The following RAB37 variants were observed in gnomAD, a reference collection of about 807,000 sequenced individuals.
RAB37 encodes the protein ras-related protein Rab-37.
Under a neutral mutation model 33.1 loss-of-function variants are expected in RAB37, and 29 were observed. The observed-to-expected ratio is 0.88, with a 90% confidence interval of 0.65 to 1.20. The LOEUF is 1.20. Ranked by LOEUF, RAB37 falls within the 50% of genes most tolerant of loss-of-function variation. The probability of loss-of-function intolerance (pLI) is 0.00; values close to 1 mark genes in which losing one functional copy is unlikely to be tolerated. For synonymous variants in RAB37, 128 were observed against 119.5 expected, an observed-to-expected ratio of 1.07 and a Z score of -0.47; for missense variants, 299 against 301.1, an observed-to-expected ratio of 0.99 and a Z score of 0.05.
At chr17:74,743,065 T>C (rs2034660274) in intron 3 of RAB37, 64 bp from the exon 4 acceptor site, 1 of 1,463,064 alleles carries the variant, frequency 6.8e-7, no homozygotes. Flanking sequence ...GCAGGCCTGC[T>C]CCACCCAGCA....
At chr17:74,690,837 G>A (rs1023473408) in intron 1 of RAB37, among the ~76,000 whole-genome samples, 9 of 152,194 alleles carry the variant, frequency 5.9e-5, no homozygotes, top group African/African-American at 1.9e-4. Context: ...ACATAAAAAG[G>A]TCCCTTTCAG....
rs1000301968 is a variant in RAB37 at position 74,729,973 on chromosome 17, G to A, written c.183+607G>A. 2.6e-5 allele frequency among the ~76,000 whole-genome samples: 4 copies of A among 152,130 alleles called. No individual in the cohort carries two copies. The highest frequency in any genetic ancestry group is 2.1e-4 in the South Asian group (1 of 4,824). On this transcript the variant is annotated intron_variant, in intron 2 of 7. Transcript: ENST00000340415. This position sits in a 1 kb window ranked among gnomAD's most constrained non-coding sequence, Gnocchi z 4.2. ...GGTTACAGTTCCGTGTTTAGTCCTC[G>A]GTAAAATGGTAAAAGGGCAGCTCGG...
intron 1 of RAB37, among the ~76,000 whole-genome samples, chr17:74,691,371 C>T (rs920268680): frequency 3.9e-5 from 6 of 152,112 alleles, no homozygotes; most frequent in Non-Finnish European, 7.4e-5. Context: ...GGGTTTATCA[C>T]GTTGCCCAGG....
chr17:74,740,376 G>A (rs975792899), intron 1 of RAB37, among the ~76,000 whole-genome samples: 2 of 152,170 alleles, frequency 1.3e-5, no homozygotes, highest in Non-Finnish European at 2.9e-5. Flanking sequence ...ACGAGCGGAC[G>A]ATGGATGACA....
intron 1 of RAB37, among the ~76,000 whole-genome samples, chr17:74,701,504 AG>A (rs1211467968): frequency 1.3e-5 from 2 of 152,236 alleles, no homozygotes; most frequent in African/African-American, 4.8e-5. Context: ...TATTCAAAGC[AG>A]TTTGGTAGAA....
At chr17:74,687,773 TG>T (rs2032083628) in intron 1 of RAB37, among the ~76,000 whole-genome samples, 1 of 152,152 alleles carries the variant, frequency 6.6e-6, no homozygotes, top group Admixed American at 6.5e-5. Context: ...GGAGATGTGA[TG>T]GAGCGGGTCC....
chr17:74,734,426 C>T (rs2034436395), upstream of RAB37, among the ~76,000 whole-genome samples: 1 of 152,202 alleles, frequency 6.6e-6, no homozygotes, highest in Admixed American at 6.5e-5. Context: ...GTGGTTCAGA[C>T]CTCAACCTGT....
intron 1 of RAB37, among the ~76,000 whole-genome samples, chr17:74,726,376 G>C (rs1054049939): frequency 9.2e-5 from 14 of 151,900 alleles, no homozygotes; most frequent in African/African-American, 3.4e-4. Context: ...CGAGAAGACA[G>C]GACTGTTTCC....
chr17:74,742,989 C>T lies in RAB37; in HGVS notation c.247-140C>T. 1.4e-6 allele frequency: 1 copy of T among 722,316 alleles called. No homozygotes were observed. Among genetic ancestry groups the T allele is most frequent in the South Asian group, 1.7e-5 (1 of 59,832 alleles). The allele number at this position is 722,316 out of a possible 1,614,324, so 44.7% of individuals were successfully genotyped here. On this transcript the variant is annotated intron_variant, in intron 3 of 8. Transcript: ENST00000392613. The surrounding 1 kb of genome is among the most constrained non-coding windows in gnomAD (Gnocchi z 4.0). ...GCTACTGTCCAGGTCATTGGATGCT[C>T]AGGGGCTCATGAGAACCTAAAGAAG...
intron 1 of RAB37, among the ~76,000 whole-genome samples, chr17:74,722,604 A>C (rs974458865): frequency 6.6e-6 from 1 of 152,260 alleles, no homozygotes; most frequent in Non-Finnish European, 1.5e-5. Flanking sequence ...GTAGGACTAT[A>C]GTCCAGCCAA....
rs906453926 is a variant in RAB37 at position 74,677,318 on chromosome 17, G to A, written c.72+5660G>A. 3.9e-5 allele frequency: 6 copies of A among 152,044 alleles called. No individual in the cohort carries two copies. In the East Asian group the frequency reaches 1.2e-3, roughly 29 times the overall value. 9.4% of individuals were successfully genotyped at this position (152,044 alleles called of 1,614,324 possible). On this transcript the variant is annotated intron_variant, in intron 1 of 7. Coordinates refer to the RAB37 transcript ENST00000340415. ...TTCCCTGCCAGAAAATTGTACAAGAGAAAGACAAATAAAACAGCAAAAGAC... is the reference window on the plus strand; with the variant it reads ...TTCCCTGCCAGAAAATTGTACAAGAAAAAGACAAATAAAACAGCAAAAGAC...
At chr17:74,733,670 C>T (rs1435421487), upstream of RAB37, among the ~76,000 whole-genome samples, 1 of 144,952 alleles carries the variant, frequency 6.9e-6, no homozygotes, top group Non-Finnish European at 1.5e-5. Context: ...ACAGCGCATA[C>T]ACAGCCTCAG....
chr17:74,741,120 C>G (rs1372380630), intron 2 of RAB37, among the ~76,000 whole-genome samples: 1 of 152,108 alleles, frequency 6.6e-6, no homozygotes, highest in East Asian at 1.9e-4. Flanking sequence ...ATTCCAGCTC[C>G]ATTCCTGGGG....
At chr17:74,698,426 G>A (rs1455647643) in intron 1 of RAB37, 2 of 1,614,022 alleles carry the variant, frequency 1.2e-6, no homozygotes, top group South Asian at 2.2e-5. Flanking sequence ...ACCAAAAGCA[G>A]CAGCAATATG....
chr17:74,703,122 G>A lies in RAB37; in HGVS notation c.73-26134G>A, dbSNP rs201147159. Reference sequence around the variant, plus strand: ...TGCTGTAAACGTAGTGGAGGTAGGCGTGGTGGGGGCAGGAGTCGACGCTGT... The same window carrying A: ...TGCTGTAAACGTAGTGGAGGTAGGCATGGTGGGGGCAGGAGTCGACGCTGT... On this transcript the variant is annotated intron_variant, in intron 1 of 7. Transcript: ENST00000340415. 81 of 1,613,784 alleles carry A rather than the reference G, an allele frequency of 5.0e-5. No individual in the cohort carries two copies. The East Asian group carries it at 1.3e-3, about 27-fold the overall frequency.
Position 74,744,365 on chromosome 17 carries a change from G to T in RAB37, c.424G>T (p.Gly142Cys), listed in dbSNP as rs779578722. The change falls in exon 6 of 9, where the codon GGC becomes TGC. Residue 142 changes from glycine to cysteine, a missense_variant. Physicochemically the swap from Gly to Cys is radical, Grantham distance 159 (BLOSUM62 -3). Transcript: ENST00000392613. The surrounding 1 kb of genome is among the most constrained non-coding windows in gnomAD (Gnocchi z 4.2). The part of the protein sequence containing the change: ...AQRDVVIMLL[G>C]NKADMSSERV... ...GAGGGACGTGGTGATCATGCTGCTA[G>T]GCAACAAGGTGAGTGGCTCCGGGGC... 23 of 1,613,964 alleles carry T rather than the reference G, an allele frequency of 1.4e-5. No individual in the cohort carries two copies. The highest frequency in any genetic ancestry group is 5.9e-6 in the Non-Finnish European group (7 of 1,180,022).
At position 74,673,432 on chromosome 17, in the gene RAB37, T is replaced by C. The variant is rs115001343; in HGVS notation, c.72+1774T>C. ...CAAAAAAAAAAAGAAAAAAAAAGTT[T>C]ATGCAAGCAGAGGAACATAATTACA... On this transcript the variant is annotated intron_variant, in intron 1 of 7. Coordinates refer to the RAB37 transcript ENST00000340415. 2.1e-3 allele frequency among the ~76,000 whole-genome samples: 319 copies of C among 150,462 alleles called. 2 individuals are homozygous for C. The highest frequency in any genetic ancestry group is 7.7e-3 in the African/African-American group (313 of 40,860).
chr17:74,687,279 A>G lies in RAB37; in HGVS notation c.72+15621A>G, dbSNP rs191823053. Among the ~76,000 whole-genome samples, 706 of 151,722 alleles carry G rather than the reference A, an allele frequency of 4.7e-3. 7 individuals are homozygous for G. Among genetic ancestry groups the G allele is most frequent in the African/African-American group, 0.016 (661 of 41,320 alleles). ...TGCTCTATCTCCCAGGCTGGAGTGC[A>G]ATGGCACGATCTTGGCTCACTGCAA... On this transcript the variant is annotated intron_variant, in intron 1 of 7. Transcript: ENST00000340415.
In RAB37 at chr17:74,738,950, C is replaced by A. The variant is rs1360199965; in HGVS notation, c.93+1585C>A. 6.6e-6 allele frequency among the ~76,000 whole-genome samples: 1 copy of A among 152,178 alleles called. No individual in the cohort carries two copies. Among genetic ancestry groups the A allele is most frequent in the Non-Finnish European group, 1.5e-5 (1 of 68,028 alleles). ...TCTAGAAATACCTCAAAGACATTAT[C>A]CCTCCTCCTTCTACCCACTATGGAA... On this transcript the variant is annotated intron_variant, in intron 1 of 8. Coordinates refer to ENST00000392613, the MANE Select transcript of RAB37 (RefSeq NM_001006638.3). This position sits in a 1 kb window ranked among gnomAD's most constrained non-coding sequence, Gnocchi z 5.0.
Sources: gnomAD v4.1 joint callset for allele counts (sites outside exome capture counted in the v4.1 genomes callset) on GRCh38, gnomAD v4.1.1 for gene constraint, Gnocchi (gnomAD v3.1) non-coding constraint, MANE v1.5 for transcripts, NCBI Gene and HGNC (gene_info 2026-07-23, HGNC 2026-07-21) for gene names.